PKD1L1: variants seen among roughly 807,000 people sequenced by gnomAD.
PKD1L1 encodes polycystin 1 like 1, transient receptor potential channel interacting.
A neutral mutation model predicts 323.4 loss-of-function variants in PKD1L1; 236 were observed. That is an observed-to-expected ratio of 0.73 (90% confidence interval 0.66 to 0.81). The LOEUF is 0.81. Among genes scored for constraint, PKD1L1 ranks in the 40% least tolerant of loss-of-function variants. The probability of loss-of-function intolerance (pLI) is 0.00; values close to 1 mark genes in which losing one functional copy is unlikely to be tolerated. For synonymous variants in PKD1L1, 1,344 were observed against 1,335.0 expected, an observed-to-expected ratio of 1.01 and a Z score of -0.15; for missense variants, 3,320 against 3,508.0, an observed-to-expected ratio of 0.95 and a Z score of 1.35.
chr7:47,859,965 C>T (rs1325466788), intron 26 of PKD1L1, among the ~76,000 whole-genome samples: 1 of 152,086 alleles, frequency 6.6e-6, no homozygotes, highest in East Asian at 1.9e-4. Flanking sequence ...CCTTTCAAAC[C>T]TACACAAAGT....
intron 56 of PKD1L1, among the ~76,000 whole-genome samples, chr7:47,783,741 T>C (rs1584940907): frequency 2.0e-5 from 3 of 152,306 alleles, no homozygotes; most frequent in Admixed American, 2.0e-4. Flanking sequence ...AGAGGGAGCG[T>C]GGCCCTGCTG....
At chr7:47,843,387 C>A (rs910703746) in intron 33 of PKD1L1, among the ~76,000 whole-genome samples, 4 of 152,198 alleles carry the variant, frequency 2.6e-5, no homozygotes, top group African/African-American at 7.2e-5. Flanking sequence ...ACTCCAGAAC[C>A]AAAGAAACCT....
chr7:47,881,810 C>T (rs367929032), intron 20 of PKD1L1, 99 bp downstream of exon 20: 26 of 1,174,310 alleles, frequency 2.2e-5, no homozygotes, highest in East Asian at 1.2e-4. Context: ...ATTCTAAATA[C>T]TTATCTAGTA....
At chr7:47,950,288 T>G (rs575301630), upstream of PKD1L1, among the ~76,000 whole-genome samples, 22 of 152,284 alleles carry the variant, frequency 1.4e-4, 1 homozygote, top group South Asian at 4.3e-3. Flanking sequence ...TGTTCCTTCC[T>G]TGTGGGGCTG....
At chr7:47,863,590 G>A (rs1043067993) in intron 26 of PKD1L1, among the ~76,000 whole-genome samples, 1 of 152,190 alleles carries the variant, frequency 6.6e-6, no homozygotes, top group Non-Finnish European at 1.5e-5. Flanking sequence ...AGCAGATTGA[G>A]CCCCACAGAA....
chr7:47,873,836 G>C (rs1562967583), intron 24 of PKD1L1, 63 bp downstream of exon 24: 14 of 1,287,112 alleles, frequency 1.1e-5, no homozygotes, highest in Non-Finnish European at 1.1e-5. Flanking sequence ...ACTTGGGGGA[G>C]AGCCAACTCT....
chr7:47,908,238 A>C lies in PKD1L1; in HGVS notation c.1241T>G (p.Met414Arg). 1 of 1,611,976 alleles carries C rather than the reference A, an allele frequency of 6.2e-7. No individual in the cohort carries two copies. Among genetic ancestry groups the C allele is most frequent in the Non-Finnish European group, 8.5e-7 (1 of 1,179,290 alleles). The change falls in exon 9 of 57, where the codon ATG becomes AGG. Residue 414 changes from methionine (M) to arginine (R), a missense_variant. Coordinates refer to ENST00000289672, the MANE Select transcript of PKD1L1 (RefSeq NM_138295.5). ...CTCGTTATAAATAACAGCCTTGAGC[A>C]TATAGACTCCTTCTGGAAAAATAAG... is the stretch of plus-strand genomic sequence containing the variant. ...ISAFVTKGVYMLKAVIYNEFH... is the reference protein window; with the variant it reads ...ISAFVTKGVYRLKAVIYNEFH...
rs17131869 is a variant in PKD1L1 at position 47,874,246 on chromosome 7, T to C, written c.3785-236A>G. ...ATGATATATAGAAATTTAACAGGCC[T>C]AGAAAAAAGGTGAAGAATTCTGACA... On this transcript the variant is annotated intron_variant, in intron 23 of 56. Coordinates refer to ENST00000289672, the MANE Select transcript of PKD1L1 (RefSeq NM_138295.5). Among the ~76,000 whole-genome samples the C allele has an allele frequency of 0.32, 49,361 of 151,890 alleles. 8,587 individuals carry two copies. Among genetic ancestry groups the C allele is most frequent in the African/African-American group, 0.43 (17,920 of 41,352 alleles).
At chr7:47,861,169 T>C (rs1786015229) in intron 26 of PKD1L1, among the ~76,000 whole-genome samples, 1 of 152,252 alleles carries the variant, frequency 6.6e-6, no homozygotes, top group African/African-American at 2.4e-5. Flanking sequence ...GTATTCAGCT[T>C]CTGGGATTTC....
At chr7:47,825,388 G>A (rs976338292) in intron 45 of PKD1L1, among the ~76,000 whole-genome samples, 1 of 151,782 alleles carries the variant, frequency 6.6e-6, no homozygotes, top group Admixed American at 6.6e-5. Context: ...AAAATTAGCC[G>A]GGCATGGTGG....
At chr7:47,920,098 G>A (rs184960625) in intron 7 of PKD1L1, among the ~76,000 whole-genome samples, 229 of 152,098 alleles carry the variant, frequency 1.5e-3, no homozygotes, top group African/African-American at 5.3e-3. Context: ...TGATATGATC[G>A]TATATCTAGA....
chr7:47,811,760 G>C, intron 50 of PKD1L1, 57 bp downstream of exon 50: 1 of 1,429,898 alleles, frequency 7.0e-7, no homozygotes, highest in Non-Finnish European at 9.6e-7. Context: ...GCCCAGCCCA[G>C]GTGAAGCCCC....
chr7:47,891,265 A>C (rs1463305814), intron 15 of PKD1L1, among the ~76,000 whole-genome samples: 1 of 152,170 alleles, frequency 6.6e-6, no homozygotes, highest in Non-Finnish European at 1.5e-5. Context: ...GATGGACTTC[A>C]GGCATCTCTC....
intron 55 of PKD1L1, among the ~76,000 whole-genome samples, chr7:47,793,867 G>T (rs1212178094): frequency 6.6e-6 from 1 of 152,154 alleles, no homozygotes; most frequent in East Asian, 1.9e-4. Context: ...ATGGAGATAA[G>T]GAACTTGTTG....
At chr7:47,940,830 A>G (rs1787971405) in intron 2 of PKD1L1, among the ~76,000 whole-genome samples, 1 of 152,198 alleles carries the variant, frequency 6.6e-6, no homozygotes, top group African/African-American at 2.4e-5. Flanking sequence ...TGAGGGCTGA[A>G]GGCCGGGCAG....
At chr7:47,897,758 A>G (rs1284428738) in intron 14 of PKD1L1, among the ~76,000 whole-genome samples, 1 of 152,204 alleles carries the variant, frequency 6.6e-6, no homozygotes, top group African/African-American at 2.4e-5. Context: ...TGTTATACAC[A>G]TTGGAAGGAG....
chr7:47,789,009 A>T (rs1476843519), intron 56 of PKD1L1, among the ~76,000 whole-genome samples: 10 of 152,200 alleles, frequency 6.6e-5, no homozygotes, highest in African/African-American at 2.4e-4. Context: ...TGTTTTATTT[A>T]GATTTTTGGT....
chr7:47,922,626 G>A (rs954113297), intron 7 of PKD1L1, among the ~76,000 whole-genome samples: 5 of 149,960 alleles, frequency 3.3e-5, no homozygotes, highest in East Asian at 2.0e-4. Context: ...GGTGAGCAGC[G>A]TCTCTGACCG....
chr7:47,843,216 A>T, intron 33 of PKD1L1, 47 bp from the exon 34 acceptor site: 1 of 1,459,890 alleles, frequency 6.8e-7, no homozygotes, highest in Non-Finnish European at 9.4e-7. Context: ...ATGAAAATAG[A>T]CATATAGGAA....
Sources: allele counts gnomAD v4.1 joint callset (sites outside exome capture counted in the v4.1 genomes callset), GRCh38; gene constraint gnomAD v4.1.1; transcripts MANE v1.5; gene names NCBI Gene and HGNC (gene_info 2026-07-23, HGNC 2026-07-21).